DPRX: variants seen among roughly 807,000 people sequenced by gnomAD.
The protein encoded by DPRX is divergent paired-related homeobox.
DPRX carries 11 observed loss-of-function variants against 8.4 expected under a neutral mutation model. The ratio of observed to expected loss-of-function variants is 1.31; its 90% CI spans 0.82 to 2.17. The LOEUF (loss-of-function observed/expected upper bound fraction) is 2.17. DPRX is among the 30% of genes most tolerant of loss of function. DPRX has a pLI of 0.00. For missense variants in DPRX, 211 were observed against 236.7 expected (o/e 0.89, Z 0.71); for synonymous variants, 72 against 87.0 (o/e 0.83, Z 0.96).
intron 1 of DPRX, among the ~76,000 whole-genome samples, chr19:53,633,772 T>C (rs954965934): frequency 6.6e-6 from 1 of 152,094 alleles, no homozygotes; most frequent in Admixed American, 6.6e-5. Flanking sequence ...CCTCCCAAAG[T>C]GCTGGGATTA....
intron 2 of DPRX, among the ~76,000 whole-genome samples, chr19:53,635,723 A>G (rs2091109409): frequency 6.6e-6 from 1 of 152,128 alleles, no homozygotes; most frequent in Non-Finnish European, 1.5e-5. Context: ...TTCAGTCCCA[A>G]CACACATACA....
At chr19:53,633,034 G>A (rs1359291589) in intron 1 of DPRX, among the ~76,000 whole-genome samples, 3 of 151,946 alleles carry the variant, frequency 2.0e-5, no homozygotes, top group African/African-American at 7.2e-5. Flanking sequence ...GGTGGCTCAT[G>A]CCTGTAATCC....
chr19:53,635,575 T>A (rs1001382777), intron 2 of DPRX, among the ~76,000 whole-genome samples: 4 of 152,024 alleles, frequency 2.6e-5, no homozygotes, highest in African/African-American at 9.7e-5. Context: ...GAGATGGGGT[T>A]TCGTCATGTT....
chr19:53,623,698 C>T, the DPRX span, among the ~76,000 whole-genome samples: 1 of 151,976 alleles, frequency 6.6e-6, no homozygotes, highest in Non-Finnish European at 1.5e-5. Context: ...AATCCCAACA[C>T]TTTGGGATTA....
intron 2 of DPRX, 121 bp downstream of exon 2, chr19:53,634,806 T>C: frequency 7.4e-7 from 1 of 1,348,882 alleles, no homozygotes; most frequent in Middle Eastern, 1.9e-4. Flanking sequence ...ACCCACACTC[T>C]CCTACTCACG....
chr19:53,602,270 G>A, the DPRX span: 324 of 99,194 alleles, frequency 3.3e-3, 4 homozygotes, highest in South Asian at 0.027. Context: ...GGGTATGGGT[G>A]TGTGTGTGTG....
intron 1 of DPRX, among the ~76,000 whole-genome samples, chr19:53,633,662 A>C (rs2091101326): frequency 6.6e-6 from 1 of 152,060 alleles, no homozygotes; most frequent in South Asian, 2.1e-4. Context: ...GGCGTGCACC[A>C]TCACGCCCAG....
At chr19:53,617,100 T>A in the DPRX span, 1 of 1,272,446 alleles carries the variant, frequency 7.9e-7, no homozygotes, top group South Asian at 1.2e-5. Flanking sequence ...ATGGGAGGTT[T>A]AGGTTTCATA....
chr19:53,636,315 G>A (rs892280013), intron 2 of DPRX, among the ~76,000 whole-genome samples: 3 of 151,670 alleles, frequency 2.0e-5, no homozygotes, highest in South Asian at 2.1e-4. Context: ...GCAGTGAGCC[G>A]AGATGGTGCC....
chr19:53,605,720 A>G, the DPRX span, among the ~76,000 whole-genome samples: 4 of 152,018 alleles, frequency 2.6e-5, no homozygotes, highest in African/African-American at 9.7e-5. Flanking sequence ...GCTGGCGTGC[A>G]GTGGTGTGAC....
the DPRX span, chr19:53,602,243 C>T: frequency 2.9e-6 from 1 of 343,930 alleles, no homozygotes; most frequent in Non-Finnish European, 5.7e-6. Context: ...ACATCCTATC[C>T]CCCAAACCAT....
At chr19:53,627,178 G>A (rs1005119730), upstream of DPRX, among the ~76,000 whole-genome samples, 7 of 152,234 alleles carry the variant, frequency 4.6e-5, no homozygotes, top group African/African-American at 1.2e-4. Context: ...GAGTGAAGCC[G>A]AAGGCATTTT....
the DPRX span, among the ~76,000 whole-genome samples, chr19:53,621,131 T>C: frequency 1.2e-4 from 19 of 152,060 alleles, no homozygotes; most frequent in Non-Finnish European, 2.6e-4. Context: ...TCCATATTTT[T>C]TATTTTTTAT....
Position 53,633,673 on chromosome 19 carries a change from C to G in DPRX, c.29-858C>G, listed in dbSNP as rs550049534. Among the ~76,000 whole-genome samples, 5 of 152,170 alleles carry G rather than the reference C, an allele frequency of 3.3e-5. No homozygotes were observed. The East Asian group carries it at 9.7e-4, about 30-fold the overall frequency. ...TACAGGCGTGCACCATCACGCCCAG[C>G]TAATTTTTGTACTTTTAGTAGAGAC... On this transcript the variant is annotated intron_variant, in intron 1 of 2. Transcript: ENST00000376650.
At chr19:53,632,275 T>C in intron 1 of DPRX, 141 bp downstream of exon 1, 1 of 1,020,934 alleles carries the variant, frequency 9.8e-7, no homozygotes. Context: ...ACAGAGGCTG[T>C]CATCGTTTTT....
the DPRX span, among the ~76,000 whole-genome samples, chr19:53,621,906 A>C: frequency 4.6e-5 from 7 of 152,178 alleles, no homozygotes; most frequent in African/African-American, 1.7e-4. Flanking sequence ...AGAGCAAACT[A>C]CAATCCTCAT....
At chr19:53,601,637 A>C in the DPRX span, among the ~76,000 whole-genome samples, 1 of 151,868 alleles carries the variant, frequency 6.6e-6, no homozygotes, top group African/African-American at 2.4e-5. Flanking sequence ...ACACACCACC[A>C]TGCCCGGCTA....
At chr19:53,610,455 T>G in the DPRX span, among the ~76,000 whole-genome samples, 1 of 152,212 alleles carries the variant, frequency 6.6e-6, no homozygotes, top group African/African-American at 2.4e-5. Flanking sequence ...ATATGTACAA[T>G]TATTATGTAT....
At chr19:53,611,865 C>A in the DPRX span, among the ~76,000 whole-genome samples, 1 of 152,164 alleles carries the variant, frequency 6.6e-6, no homozygotes, top group South Asian at 2.1e-4. Context: ...AGGTGGATCA[C>A]CTGAGGTCAG....
Sources: allele counts gnomAD v4.1 joint callset (sites outside exome capture counted in the v4.1 genomes callset), GRCh38; gene constraint gnomAD v4.1.1; transcripts MANE v1.5; gene names NCBI Gene and HGNC (gene_info 2026-07-23, HGNC 2026-07-21).